PPM1B: variants seen among roughly 807,000 people sequenced by gnomAD.
PPM1B encodes protein phosphatase, Mg2+/Mn2+ dependent 1B.
A neutral mutation model predicts 43.0 loss-of-function variants in PPM1B; 22 were observed. That is an observed-to-expected ratio of 0.51 (90% confidence interval 0.37 to 0.73). The LOEUF is 0.73. PPM1B is among the 30% of genes least tolerant of loss of function. The pLI, the probability that PPM1B is intolerant of heterozygous loss-of-function variation, is 0.00. For missense variants in PPM1B, 632 were observed against 584.2 expected (o/e 1.08, Z -0.84); for synonymous variants, 217 against 197.9 (o/e 1.10, Z -0.81).
chr2:44,197,315 C>T (rs923354002), intron 1 of PPM1B, among the ~76,000 whole-genome samples: 3 of 152,174 alleles, frequency 2.0e-5, no homozygotes, highest in Non-Finnish European at 4.4e-5. Flanking sequence ...AATGGAGTCT[C>T]ATTATGTTGT....
chr2:44,237,564 A>G (rs768074430), downstream of PPM1B, among the ~76,000 whole-genome samples: 19 of 152,206 alleles, frequency 1.2e-4, no homozygotes, highest in Admixed American at 3.9e-4. Context: ...AAGTATCCAC[A>G]ACTCCAGTGG....
downstream of PPM1B, among the ~76,000 whole-genome samples, chr2:44,237,411 C>G (rs892146187): frequency 1.3e-5 from 2 of 152,166 alleles, no homozygotes; most frequent in Admixed American, 1.3e-4. Flanking sequence ...TATTTTCTCC[C>G]CCTTATTTCC....
At chr2:44,233,646 A>G (rs560535520), downstream of PPM1B, 9 of 985,778 alleles carry the variant, frequency 9.1e-6, no homozygotes, top group South Asian at 4.2e-4. Context: ...ATGAGTCATC[A>G]TCTGGTCCTT....
chr2:44,193,621 C>G (rs1389963154), intron 1 of PPM1B, among the ~76,000 whole-genome samples: 2 of 148,350 alleles, frequency 1.3e-5, no homozygotes, highest in Non-Finnish European at 3.0e-5. Flanking sequence ...GCTCCATTGC[C>G]CAGGCTGGAG....
At chr2:44,219,051 C>T (rs1669854444) in intron 5 of PPM1B, 1 of 295,042 alleles carries the variant, frequency 3.4e-6, no homozygotes, top group Non-Finnish European at 6.6e-6. Flanking sequence ...ATAACCATTT[C>T]TGTTGTACCT....
intron 3 of PPM1B, among the ~76,000 whole-genome samples, chr2:44,216,437 G>A (rs1669722326): frequency 6.6e-6 from 1 of 152,076 alleles, no homozygotes; most frequent in African/African-American, 2.4e-5. Context: ...CAGATTTAAG[G>A]TAGAAAACTT....
chr2:44,219,931 G>A (rs1669895232), intron 5 of PPM1B, among the ~76,000 whole-genome samples: 1 of 146,282 alleles, frequency 6.8e-6, no homozygotes, highest in Non-Finnish European at 1.5e-5. Flanking sequence ...CAACAAGAGC[G>A]AAACTCCGTC....
downstream of PPM1B, among the ~76,000 whole-genome samples, chr2:44,235,534 C>T (rs534903841): frequency 1.4e-5 from 2 of 142,894 alleles, no homozygotes; most frequent in East Asian, 2.0e-4. Flanking sequence ...ACCCAGGTGA[C>T]GGAGGTTGCA....
downstream of PPM1B, chr2:44,234,314 A>ACC (rs1670549980): frequency 1.4e-6 from 1 of 715,540 alleles, no homozygotes; most frequent in Non-Finnish European, 1.7e-6. Context: ...AGGTCAAGAG[A>ACC]TCGTGACCAT....
intron 1 of PPM1B, among the ~76,000 whole-genome samples, chr2:44,190,430 AT>A (rs1668357033): frequency 6.6e-6 from 1 of 152,178 alleles, no homozygotes; most frequent in South Asian, 2.1e-4. Flanking sequence ...AAGTGTTGGG[AT>A]TACAGGCGTG....
chr2:44,236,425 A>AAAAAAAAAAAAAAAAAC (rs1670615595), downstream of PPM1B, among the ~76,000 whole-genome samples: 1 of 146,380 alleles, frequency 6.8e-6, no homozygotes, highest in African/African-American at 2.5e-5. Flanking sequence ...AAAAAAAAAA[A>AAAAAAAAAAAAAAAAAC]AAGTTGTAAT....
intron 5 of PPM1B, among the ~76,000 whole-genome samples, chr2:44,219,443 C>T (rs1669873293): frequency 6.6e-6 from 1 of 151,976 alleles, no homozygotes. Context: ...GCATTATTTG[C>T]TAGGATTCAT....
At chr2:44,218,102 T>G (rs1669809739) in intron 4 of PPM1B, 24 bp downstream of exon 4, 2 of 1,508,766 alleles carry the variant, frequency 1.3e-6, no homozygotes, top group African/African-American at 2.8e-5. Context: ...AAAGCTAATT[T>G]TGAGTTCGTT....
chr2:44,215,026 A>T (rs1669657654), intron 3 of PPM1B, among the ~76,000 whole-genome samples: 1 of 152,120 alleles, frequency 6.6e-6, no homozygotes, highest in Non-Finnish European at 1.5e-5. Flanking sequence ...TTTAATATTA[A>T]TTTTCTTCTG....
exon 6 of PPM1B, chr2:44,244,347 A>G: frequency 7.4e-7 from 1 of 1,359,162 alleles, no homozygotes; most frequent in Non-Finnish European, 9.8e-7. Context: ...TTTTTTGTAA[A>G]CCCGAACGAA....
chr2:44,235,281 T>TA (rs1670579078), downstream of PPM1B, among the ~76,000 whole-genome samples: 1 of 152,244 alleles, frequency 6.6e-6, no homozygotes, highest in African/African-American at 2.4e-5. Flanking sequence ...TTCTTCTAAA[T>TA]ATTGATCCGT....
chr2:44,224,328 G>A (rs1055472617), intron 5 of PPM1B, among the ~76,000 whole-genome samples: 3 of 151,906 alleles, frequency 2.0e-5, no homozygotes, highest in East Asian at 1.9e-4. Flanking sequence ...GGTGGCGGGC[G>A]CCTGTAGTCC....
intron 1 of PPM1B, among the ~76,000 whole-genome samples, chr2:44,193,651 C>T (rs1202743896): frequency 2.7e-5 from 4 of 149,084 alleles, no homozygotes; most frequent in East Asian, 2.0e-4. Flanking sequence ...ACGATCTCAG[C>T]TCACTGTAAC....
At position 44,218,230 on chromosome 2, in the gene PPM1B, C is replaced by T. The variant is rs1287317690; in HGVS notation, c.1076+152C>T. 3 of 697,808 alleles carry T rather than the reference C, an allele frequency of 4.3e-6. No homozygotes were observed. The African/African-American group carries it at 5.5e-5, about 13-fold the overall frequency. The allele number at this position is 697,808 out of a possible 1,614,324, so 43.2% of individuals were successfully genotyped here. ...TAGAGAAGAACTCTTAAAACTTCAA[C>T]CAAAAACGATTTTTTAAAAGGAATT... is the stretch of plus-strand genomic sequence containing the variant. On this transcript the variant is annotated intron_variant, in intron 4 of 5. Transcript: ENST00000282412.
Sources: gnomAD v4.1 joint callset for allele counts (sites outside exome capture counted in the v4.1 genomes callset) on GRCh38, gnomAD v4.1.1 for gene constraint, MANE v1.5 for transcripts, NCBI Gene and HGNC (gene_info 2026-07-23, HGNC 2026-07-21) for gene names.